The following NELL2 variants were observed in gnomAD, a reference collection of about 807,000 sequenced individuals.
NELL2 encodes the protein protein kinase C-binding protein NELL2.
NELL2 carries 41 observed loss-of-function variants against 109.6 expected under a neutral mutation model. The observed-to-expected ratio is 0.37, with a 90% CI of 0.29 to 0.49. The LOEUF (loss-of-function observed/expected upper bound fraction) is 0.49, where lower values mean the gene tolerates loss of function less well. NELL2 is among the 20% of genes least tolerant of loss of function. The pLI is 0.98. For synonymous variants in NELL2, 355 were observed against 344.7 expected, an observed-to-expected ratio of 1.03 and a Z score of -0.33; for missense variants, 900 against 1,008.3, an observed-to-expected ratio of 0.89 and a Z score of 1.45.
intron 12 of NELL2, among the ~76,000 whole-genome samples, chr12:44,701,866 C>A (rs944313823): frequency 1.3e-5 from 2 of 151,970 alleles, no homozygotes; most frequent in South Asian, 2.1e-4. Context: ...CTGAGCATAT[C>A]ACTCTCCTCC....
At chr12:44,540,361 C>A (rs1363234399) in intron 15 of NELL2, among the ~76,000 whole-genome samples, 1 of 151,832 alleles carries the variant, frequency 6.6e-6, no homozygotes, top group Non-Finnish European at 1.5e-5. Context: ...AGAGATAGAA[C>A]AAAAGGAGCC....
chr12:44,897,542 G>A (rs911761261), intron 1 of NELL2, among the ~76,000 whole-genome samples: 14 of 152,272 alleles, frequency 9.2e-5, no homozygotes, highest in African/African-American at 3.4e-4. Flanking sequence ...TCCTAGTCAA[G>A]GGAAGCCGTG....
intron 13 of NELL2, among the ~76,000 whole-genome samples, chr12:44,621,112 C>G (rs1226796981): frequency 6.6e-6 from 1 of 152,086 alleles, no homozygotes; most frequent in Non-Finnish European, 1.5e-5. Context: ...TGTTGAGACT[C>G]TACTAAAGGC....
chr12:44,777,753 C>G (rs1484349686), intron 5 of NELL2, among the ~76,000 whole-genome samples: 2 of 152,130 alleles, frequency 1.3e-5, no homozygotes, highest in Non-Finnish European at 2.9e-5. Context: ...TGAAAGCATG[C>G]TCATTTGAGC....
intron 13 of NELL2, among the ~76,000 whole-genome samples, chr12:44,632,079 A>C (rs1458237941): frequency 6.6e-6 from 1 of 152,128 alleles, no homozygotes; most frequent in African/African-American, 2.4e-5. Context: ...AAATTAGATG[A>C]CCATCTCAAA....
At chr12:44,683,999 C>G (rs1393412158) in intron 12 of NELL2, among the ~76,000 whole-genome samples, 1 of 152,160 alleles carries the variant, frequency 6.6e-6, no homozygotes, top group East Asian at 1.9e-4. Context: ...GGAATGGTAC[C>G]AGTTCCTCCT....
intron 2 of NELL2, among the ~76,000 whole-genome samples, chr12:44,873,156 A>G (rs1408208766): frequency 6.6e-6 from 1 of 152,204 alleles, no homozygotes. Flanking sequence ...TTGATTGGTT[A>G]TATTAAATAA....
At chr12:44,775,902 T>C (rs1941738930) in intron 8 of NELL2, 120 bp downstream of exon 8, 1 of 1,137,632 alleles carries the variant, frequency 8.8e-7, no homozygotes, top group African/African-American at 1.6e-5. Flanking sequence ...TTGTTGACAC[T>C]TTAGTGTTGT....
At chr12:44,742,046 T>C (rs1940004955) in intron 9 of NELL2, among the ~76,000 whole-genome samples, 1 of 152,116 alleles carries the variant, frequency 6.6e-6, no homozygotes, top group Non-Finnish European at 1.5e-5. Flanking sequence ...GTAGCCTAAC[T>C]GGGAGGCACC....
At chr12:44,777,000 G>T in intron 7 of NELL2, 42 bp downstream of exon 7, 1 of 1,553,204 alleles carries the variant, frequency 6.4e-7, no homozygotes. Context: ...GGAACATCAA[G>T]GATTTTTAAG....
At chr12:44,625,447 G>A (rs902780907) in intron 13 of NELL2, among the ~76,000 whole-genome samples, 1 of 151,988 alleles carries the variant, frequency 6.6e-6, no homozygotes. Context: ...TCAAAAGGAG[G>A]CCCCTAGCTC....
intron 2 of NELL2, among the ~76,000 whole-genome samples, chr12:44,826,902 A>C (rs868606902): frequency 1.3e-5 from 2 of 152,236 alleles, no homozygotes; most frequent in Non-Finnish European, 2.9e-5. Flanking sequence ...CCTTTATAAA[A>C]GTATATTCTG....
chr12:44,802,009 C>G (rs116135522), intron 3 of NELL2, among the ~76,000 whole-genome samples: 2,191 of 152,226 alleles, frequency 0.014, 51 homozygotes, highest in African/African-American at 0.049. Context: ...CTTTTCATAT[C>G]TAGAACTCCT....
rs149754462 is a variant in NELL2 at position 44,630,259 on chromosome 12, A to G, written c.1445-19289T>C. 3.3e-4 allele frequency among the ~76,000 whole-genome samples: 51 copies of G among 152,284 alleles called. No homozygotes were observed. In the East Asian group the frequency reaches 9.5e-3, roughly 28 times the overall value. ...ATAAGTTACTTTGTCCTTTGATTTA[A>G]TTTTCACAACAACCCTATGAAATAG... On this transcript the variant is annotated intron_variant, in intron 13 of 19. Coordinates refer to ENST00000429094, the MANE Select transcript of NELL2 (RefSeq NM_001145108.2).
intron 15 of NELL2, among the ~76,000 whole-genome samples, chr12:44,542,789 T>A (rs989204459): frequency 6.6e-6 from 1 of 152,124 alleles, no homozygotes; most frequent in Non-Finnish European, 1.5e-5. Flanking sequence ...GAGTTTTATA[T>A]AGAAATCAAG....
At chr12:44,734,273 T>C (rs1333365682) in intron 9 of NELL2, among the ~76,000 whole-genome samples, 1 of 151,968 alleles carries the variant, frequency 6.6e-6, no homozygotes, top group African/African-American at 2.4e-5. Context: ...AAATCTACTT[T>C]GATTTTTCAG....
chr12:44,770,109 T>C (rs1941489925), intron 9 of NELL2, among the ~76,000 whole-genome samples: 1 of 152,134 alleles, frequency 6.6e-6, no homozygotes, highest in African/African-American at 2.4e-5. Flanking sequence ...ATGGGAATAA[T>C]GAAACCATAC....
At chr12:44,596,200 T>G (rs2136231962) in intron 15 of NELL2, among the ~76,000 whole-genome samples, 1 of 152,342 alleles carries the variant, frequency 6.6e-6, no homozygotes, top group South Asian at 2.1e-4. Context: ...CACATCATGT[T>G]GTGCTGTTCA....
At chr12:44,918,517 A>G (rs2731060), upstream of NELL2, among the ~76,000 whole-genome samples, 15,504 of 124,076 alleles carry the variant, frequency 0.12, 1,093 homozygotes, top group East Asian at 0.2. Context: ...GCATGCATGT[A>G]TGTGTGTGTG....
Sources: gnomAD v4.1 joint callset for allele counts (sites outside exome capture counted in the v4.1 genomes callset) on GRCh38, gnomAD v4.1.1 for gene constraint, MANE v1.5 for transcripts, NCBI Gene and HGNC (gene_info 2026-07-23, HGNC 2026-07-21) for gene names.